ADAM12: variants seen among roughly 807,000 people sequenced by gnomAD.
ADAM12 encodes ADAM metallopeptidase domain 12, also known as disintegrin and metalloproteinase domain-containing protein 12.
Under a neutral mutation model 106.4 loss-of-function variants are expected in ADAM12, and 70 were observed. The observed-to-expected ratio is 0.66, with a 90% confidence interval of 0.54 to 0.80. The LOEUF is 0.80. Ranked by LOEUF, ADAM12 falls within the 30% of genes least tolerant of loss-of-function variation. The pLI is 0.00. For missense variants in ADAM12, 1,010 were observed against 1,171.9 expected, an observed-to-expected ratio of 0.86 and a Z score of 2.02; for synonymous variants, 420 against 433.5, an observed-to-expected ratio of 0.97 and a Z score of 0.39.
At chr10:126,251,825 A>G (rs893030427) in intron 3 of ADAM12, among the ~76,000 whole-genome samples, 3 of 130,926 alleles carry the variant, frequency 2.3e-5, no homozygotes, top group Non-Finnish European at 4.7e-5. Context: ...GATGGGATGG[A>G]TAGGATAGAT....
intron 5 of ADAM12, among the ~76,000 whole-genome samples, chr10:126,124,185 C>T (rs1956160914): frequency 6.6e-6 from 1 of 152,152 alleles, no homozygotes; most frequent in Admixed American, 6.5e-5. Flanking sequence ...TCCTGGCTAG[C>T]TCAGTGTCCA....
At chr10:126,038,097 CCTCCCTCAGAG>C (rs1954090853) in intron 20 of ADAM12, 133 bp downstream of exon 20, 4 of 804,680 alleles carry the variant, frequency 5.0e-6, no homozygotes, top group Non-Finnish European at 6.1e-6. Flanking sequence ...TCACAGAGAC[CCTCCCTCAGAG>C]CCTGCTGACC....
intron 3 of ADAM12, among the ~76,000 whole-genome samples, chr10:126,164,049 G>A (rs6597739): frequency 0.3 from 46,345 of 151,982 alleles, 7,726 homozygotes; most frequent in Non-Finnish European, 0.38. Flanking sequence ...AATGTTCTCC[G>A]GTCATCCAGT....
intron 8 of ADAM12, among the ~76,000 whole-genome samples, chr10:126,102,618 A>G (rs76541260): frequency 0.016 from 2,390 of 152,334 alleles, 78 homozygotes; most frequent in East Asian, 0.084. Flanking sequence ...TATGACCAGG[A>G]TACAAAGTGC....
chr10:126,100,539 TAAAA>T (rs746416839), intron 9 of ADAM12, among the ~76,000 whole-genome samples: 2,176 of 123,438 alleles, frequency 0.018, 64 homozygotes, highest in East Asian at 0.096. Context: ...CTGTCTCTAC[TAAAA>T]AAAAAAAAAA....
intron 4 of ADAM12, among the ~76,000 whole-genome samples, chr10:126,141,245 A>G (rs936068045): frequency 1.3e-5 from 2 of 152,202 alleles, no homozygotes; most frequent in African/African-American, 4.8e-5. Flanking sequence ...CCAACACTGC[A>G]TTCCTGTTCC....
chr10:126,034,503 A>C (rs1268639351), intron 21 of ADAM12, among the ~76,000 whole-genome samples: 1 of 152,214 alleles, frequency 6.6e-6, no homozygotes, highest in Non-Finnish European at 1.5e-5. Context: ...GAAAAAGCAC[A>C]ATGAAACAAA....
chr10:126,052,174 AG>A (rs1954520369), intron 14 of ADAM12, among the ~76,000 whole-genome samples: 1 of 152,112 alleles, frequency 6.6e-6, no homozygotes, highest in Non-Finnish European at 1.5e-5. Flanking sequence ...AGGTGTAGAG[AG>A]CAGATTAAGA....
intron 19 of ADAM12, 41 bp from the exon 20 acceptor site, chr10:126,038,390 C>T (rs1045457770): frequency 2.1e-6 from 3 of 1,458,218 alleles, no homozygotes; most frequent in Middle Eastern, 3.6e-4. Flanking sequence ...GCGTGTTTCC[C>T]CTTCTCACTG....
At chr10:126,042,404 T>C (rs1006924912) in intron 18 of ADAM12, among the ~76,000 whole-genome samples, 6 of 77,616 alleles carry the variant, frequency 7.7e-5, no homozygotes, top group Non-Finnish European at 1.1e-4. Context: ...CAGGCAGACC[T>C]GTGTGTGTGT....
chr10:126,138,079 A>T (rs1276725879), intron 4 of ADAM12, among the ~76,000 whole-genome samples: 2 of 152,174 alleles, frequency 1.3e-5, no homozygotes, highest in East Asian at 3.8e-4. Context: ...TTATCTTTTC[A>T]ATTATAGCCA....
Position 126,267,113 on chromosome 10 carries a change from A to G in ADAM12, c.260+11802T>C, listed in dbSNP as rs117534069. On this transcript the variant is annotated intron_variant, in intron 3 of 22. Transcript: ENST00000448723. Reference sequence around the variant, plus strand: ...CCCAAATCCAAATCCAAATCCTAACACTGTCAATCATCTCCTCTGATAGGG... The same window carrying G: ...CCCAAATCCAAATCCAAATCCTAACGCTGTCAATCATCTCCTCTGATAGGG... Among the ~76,000 whole-genome samples, 47 of 152,246 alleles carry G rather than the reference A, an allele frequency of 3.1e-4. No individual in the cohort carries two copies. The East Asian group carries it at 4.6e-3, about 15-fold the overall frequency.
intron 4 of ADAM12, among the ~76,000 whole-genome samples, chr10:126,143,452 ATGTG>A (rs919183810): frequency 2.1e-5 from 3 of 142,836 alleles, no homozygotes; most frequent in African/African-American, 5.3e-5. Flanking sequence ...TATGGTGTGC[ATGTG>A]TGTGTATATG....
intron 3 of ADAM12, among the ~76,000 whole-genome samples, chr10:126,277,885 T>C (rs1466993854): frequency 1.3e-5 from 2 of 152,192 alleles, no homozygotes. Flanking sequence ...TACCGAACTT[T>C]CGGGCTGGCT....
intron 3 of ADAM12, among the ~76,000 whole-genome samples, chr10:126,252,975 G>A (rs1324889809): frequency 1.3e-5 from 2 of 152,100 alleles, no homozygotes; most frequent in Non-Finnish European, 2.9e-5. Context: ...TTCTCTGGAT[G>A]ATTTTTCAAC....
At chr10:126,224,390 C>T (rs1354831750) in intron 3 of ADAM12, among the ~76,000 whole-genome samples, 1 of 152,200 alleles carries the variant, frequency 6.6e-6, no homozygotes, top group African/African-American at 2.4e-5. Context: ...TCTTGCCTTC[C>T]TGGAGCTGGG....
chr10:126,231,063 T>C (rs1286558060), intron 3 of ADAM12, among the ~76,000 whole-genome samples: 1 of 152,222 alleles, frequency 6.6e-6, no homozygotes, highest in African/African-American at 2.4e-5. Flanking sequence ...GACTTCTTCA[T>C]TGCATTGTCC....
chr10:126,122,438 G>C (rs924344521), intron 5 of ADAM12, among the ~76,000 whole-genome samples: 1 of 152,146 alleles, frequency 6.6e-6, no homozygotes, highest in East Asian at 1.9e-4. Context: ...TATTAAAGTT[G>C]ATTTTATTAA....
chr10:126,086,613 G>C (rs1027517150), intron 11 of ADAM12, among the ~76,000 whole-genome samples: 1 of 125,036 alleles, frequency 8.0e-6, no homozygotes, highest in African/African-American at 3.1e-5. Flanking sequence ...GGATGCAGAG[G>C]TTGCAGTGAG....
Sources: allele counts gnomAD v4.1 joint callset (sites outside exome capture counted in the v4.1 genomes callset), GRCh38; gene constraint gnomAD v4.1.1; transcripts MANE v1.5; gene names NCBI Gene and HGNC (gene_info 2026-07-23, HGNC 2026-07-21).